Variants in LAPTM4B observed in about 807,000 individuals in gnomAD.
LAPTM4B encodes the protein lysosomal-associated transmembrane protein 4B.
Under a neutral mutation model 28.5 loss-of-function variants are expected in LAPTM4B, and 26 were observed. The observed-to-expected ratio is 0.91, with a 90% CI of 0.67 to 1.27. The LOEUF is 1.27. LAPTM4B is among the 50% of genes most tolerant of loss of function. The pLI is 0.00. For synonymous variants in LAPTM4B, 109 were observed against 106.4 expected (o/e 1.02, Z -0.15); for missense variants, 288 against 285.8 (o/e 1.01, Z -0.06).
chr8:97,801,866 A>G (rs2129763465), intron 1 of LAPTM4B, among the ~76,000 whole-genome samples: 2 of 151,226 alleles, frequency 1.3e-5, no homozygotes, highest in East Asian at 1.9e-4. Flanking sequence ...AAAAAAGTAT[A>G]GAGGGATTGA....
At chr8:97,820,104 C>T (rs1280338877) in intron 5 of LAPTM4B, among the ~76,000 whole-genome samples, 1 of 152,056 alleles carries the variant, frequency 6.6e-6, no homozygotes, top group Non-Finnish European at 1.5e-5. Flanking sequence ...ATTGATGTCC[C>T]CCAAAGTTAA....
chr8:97,812,227 G>GT (rs55878345), intron 2 of LAPTM4B, among the ~76,000 whole-genome samples: 47,903 of 88,972 alleles, frequency 0.54, 10,622 homozygotes, highest in Middle Eastern at 0.67. Context: ...GTTGTTTTTT[G>GT]TTTTTTTTTT....
intron 1 of LAPTM4B, among the ~76,000 whole-genome samples, chr8:97,776,691 C>A (rs1347642043): frequency 1.2e-5 from 1 of 81,780 alleles, no homozygotes; most frequent in South Asian, 4.5e-4. Flanking sequence ...GTGAATGGGT[C>A]CCCCCCCCGA....
At chr8:97,803,129 G>A (rs1326193127) in intron 1 of LAPTM4B, among the ~76,000 whole-genome samples, 2 of 151,682 alleles carry the variant, frequency 1.3e-5, no homozygotes, top group Non-Finnish European at 2.9e-5. Flanking sequence ...AACCTGGCAG[G>A]TGGAGGTTGT....
At chr8:97,832,747 T>C (rs1161451980) in intron 6 of LAPTM4B, among the ~76,000 whole-genome samples, 1 of 148,212 alleles carries the variant, frequency 6.7e-6, no homozygotes, top group African/African-American at 2.5e-5. Flanking sequence ...TGCTCTGTCA[T>C]CAAGGCTGGA....
intron 6 of LAPTM4B, among the ~76,000 whole-genome samples, chr8:97,841,644 C>T (rs966343534): frequency 6.6e-6 from 1 of 152,180 alleles, no homozygotes; most frequent in African/African-American, 2.4e-5. Flanking sequence ...AAGATAAGCC[C>T]AGACTTTGTA....
At chr8:97,845,906 T>TCCCCTC (rs1563624254) in intron 6 of LAPTM4B, among the ~76,000 whole-genome samples, 2 of 31,104 alleles carry the variant, frequency 6.4e-5, no homozygotes, top group South Asian at 1.2e-3. Context: ...CCCCTCCCCT[T>TCCCCTC]CCCTTCGACA....
At chr8:97,821,712 A>G (rs1817006362) in intron 5 of LAPTM4B, among the ~76,000 whole-genome samples, 1 of 152,134 alleles carries the variant, frequency 6.6e-6, no homozygotes, top group Admixed American at 6.6e-5. Flanking sequence ...GGGGCCAGCG[A>G]GTCTGGATAT....
intron 1 of LAPTM4B, among the ~76,000 whole-genome samples, chr8:97,801,920 A>G (rs987401579): frequency 3.3e-5 from 5 of 151,824 alleles, no homozygotes; most frequent in Admixed American, 1.3e-4. Context: ...CATCTTTGCC[A>G]TAAATCTTAA....
At chr8:97,834,144 G>GGAAAAAAAAAAAAAA (rs1554593011) in intron 6 of LAPTM4B, among the ~76,000 whole-genome samples, 1 of 75,344 alleles carries the variant, frequency 1.3e-5, no homozygotes. Flanking sequence ...TGTCTCTACA[G>GGAAAAAAAAAAAAAA]AAAAAAAAAA....
intron 6 of LAPTM4B, among the ~76,000 whole-genome samples, chr8:97,839,436 G>A (rs191821181): frequency 1.9e-3 from 288 of 152,158 alleles, no homozygotes; most frequent in Admixed American, 0.017. Context: ...CAGGTGATCC[G>A]CCTGCCTCGG....
intron 6 of LAPTM4B, among the ~76,000 whole-genome samples, chr8:97,844,980 TC>T (rs1817405797): frequency 6.6e-6 from 1 of 152,254 alleles, no homozygotes; most frequent in East Asian, 1.9e-4. Context: ...TTTTTAATCG[TC>T]CCGTCACTCC....
chr8:97,823,980 G>A (rs542581415), intron 5 of LAPTM4B, among the ~76,000 whole-genome samples: 18 of 152,164 alleles, frequency 1.2e-4, no homozygotes, highest in African/African-American at 4.1e-4. Flanking sequence ...AATTACAGAC[G>A]TGAGCCACCT....
At chr8:97,797,242 C>T (rs562908255) in intron 1 of LAPTM4B, among the ~76,000 whole-genome samples, 38 of 151,430 alleles carry the variant, frequency 2.5e-4, no homozygotes, top group African/African-American at 8.2e-4. Flanking sequence ...TGAAGCGATT[C>T]TCCTGCCTCA....
At chr8:97,810,690 C>G (rs915354873) in intron 2 of LAPTM4B, among the ~76,000 whole-genome samples, 5 of 152,134 alleles carry the variant, frequency 3.3e-5, no homozygotes, top group African/African-American at 1.2e-4. Flanking sequence ...TTTTGTTTGG[C>G]AAAGAATTAT....
intron 5 of LAPTM4B, among the ~76,000 whole-genome samples, chr8:97,822,985 G>T (rs1186042906): frequency 2.0e-5 from 3 of 152,010 alleles, no homozygotes; most frequent in African/African-American, 7.2e-5. Context: ...GGGACTACAG[G>T]CGCCTGCCAC....
At chr8:97,780,932 T>C (rs1816298094) in intron 1 of LAPTM4B, among the ~76,000 whole-genome samples, 1 of 152,078 alleles carries the variant, frequency 6.6e-6, no homozygotes, top group African/African-American at 2.4e-5. Context: ...GTATTTATTC[T>C]AGAGATCATT....
At chr8:97,840,669 G>A (rs1285681659) in intron 6 of LAPTM4B, among the ~76,000 whole-genome samples, 1 of 152,156 alleles carries the variant, frequency 6.6e-6, no homozygotes, top group Non-Finnish European at 1.5e-5. Context: ...AAATTAAAAG[G>A]TAAACTTTAA....
intron 6 of LAPTM4B, among the ~76,000 whole-genome samples, chr8:97,826,787 A>G (rs1036618947): frequency 1.3e-5 from 2 of 152,144 alleles, no homozygotes; most frequent in African/African-American, 4.8e-5. Flanking sequence ...AGGATTACAG[A>G]TGTGAGCCAC....
Sources: allele counts gnomAD v4.1 joint callset (sites outside exome capture counted in the v4.1 genomes callset), GRCh38; gene constraint gnomAD v4.1.1; transcripts MANE v1.5; gene names NCBI Gene and HGNC (gene_info 2026-07-23, HGNC 2026-07-21).